MYT1L: variants seen among roughly 807,000 people sequenced by gnomAD.
MYT1L encodes the protein myelin transcription factor 1 like, also known as myelin transcription factor 1-like protein.
MYT1L carries 12 observed loss-of-function variants against 126.7 expected under a neutral mutation model. The observed-to-expected ratio is 0.09, with a 90% CI of 0.06 to 0.15. The LOEUF (loss-of-function observed/expected upper bound fraction) is 0.15, where lower values mean the gene tolerates loss of function less well. Ranked by LOEUF, MYT1L falls within the 10% of genes least tolerant of loss-of-function variation. The pLI is 1.00. For missense variants in MYT1L, 979 were observed against 1,585.2 expected, an observed-to-expected ratio of 0.62 and a Z score of 6.49; for synonymous variants, 541 against 604.2, an observed-to-expected ratio of 0.90 and a Z score of 1.53.
At position 1,901,331 on chromosome 2, in the gene MYT1L, C is replaced by T. The variant is rs141544958; in HGVS notation, c.2032+1749G>A. ...AAGAATGGATCAAATCCCGGTAGAA[C>T]GTCAATGAATTGGAAATCATATAAG... On this transcript the variant is annotated intron_variant, in intron 14 of 24. Transcript: ENST00000647738. Among the ~76,000 whole-genome samples, 341 of 152,234 alleles carry T rather than the reference C, an allele frequency of 2.2e-3. 2 individuals carry two copies. Among genetic ancestry groups the T allele is most frequent in the South Asian group, 9.1e-3 (44 of 4,818 alleles).
At position 1,943,426 on chromosome 2, in the gene MYT1L, A is replaced by C; in HGVS notation, c.153-92T>G. Reference sequence around the variant, plus strand: ...AATCAGACCAATGGGGGCCTTGATCAAGGTACTTAAAGGCTTATCATGAAT... The same window carrying C: ...AATCAGACCAATGGGGGCCTTGATCCAGGTACTTAAAGGCTTATCATGAAT... On this transcript the variant is annotated intron_variant, in intron 8 of 24. Transcript: ENST00000647738. This position sits in a 1 kb window ranked among gnomAD's most constrained non-coding sequence, Gnocchi z 4.4. 1 of 1,343,430 alleles carries C rather than the reference A, an allele frequency of 7.4e-7. No individual in the cohort carries two copies. The highest frequency in any genetic ancestry group is 9.9e-7 in the Non-Finnish European group (1 of 1,012,876). The allele number at this position is 1,343,430 out of a possible 1,614,324, so 83.2% of individuals were successfully genotyped here.
intron 3 of MYT1L, among the ~76,000 whole-genome samples, chr2:2,156,187 C>A (rs1423341997): frequency 6.6e-6 from 1 of 152,190 alleles, no homozygotes; most frequent in Non-Finnish European, 1.5e-5. Flanking sequence ...AATATCCCGG[C>A]TGGGAAGCTG....
chr2:2,089,676 T>A (rs1012177473), intron 3 of MYT1L, among the ~76,000 whole-genome samples: 1 of 152,046 alleles, frequency 6.6e-6, no homozygotes, highest in African/African-American at 2.4e-5. Flanking sequence ...TAGCACAGAG[T>A]AGGAGGAGGA....
intron 2 of MYT1L, among the ~76,000 whole-genome samples, chr2:2,182,902 G>A (rs2091693143): frequency 6.6e-6 from 1 of 152,220 alleles, no homozygotes; most frequent in South Asian, 2.1e-4. Flanking sequence ...GGGAGAGAAG[G>A]AGGGAGGTCA....
chr2:2,262,932 A>ATATATATATATATATATATAT lies in MYT1L; in HGVS notation c.-421+21471_-421+21472insATATATATATATATATATATA, dbSNP rs1553610292. Among the ~76,000 whole-genome samples, 11 of 41,206 alleles carry ATATATATATATATATATATAT rather than the reference A, an allele frequency of 2.7e-4. 3 individuals are homozygous for ATATATATATATATATATATAT. The highest frequency in any genetic ancestry group is 1.1e-3 in the African/African-American group (10 of 9,418). 27.0% of individuals were successfully genotyped at this position (41,206 alleles called of 152,430 possible). ...GAGGCACAAATATATATATATATATAACCTGTGATATATATATATATATCA... is the reference window on the plus strand; with the variant it reads ...GAGGCACAAATATATATATATATATATATATATATATATATATATATACCTGTGATATATATATATATATCA... On this transcript the variant is annotated intron_variant, in intron 2 of 24. Coordinates refer to ENST00000647738, the MANE Select transcript of MYT1L (RefSeq NM_001303052.2).
intron 2 of MYT1L, among the ~76,000 whole-genome samples, chr2:2,280,883 T>C (rs896997983): frequency 7.2e-5 from 11 of 152,194 alleles, no homozygotes; most frequent in African/African-American, 2.7e-4. Context: ...ATTTAACTGA[T>C]GAAGTGACTG....
intron 1 of MYT1L, among the ~76,000 whole-genome samples, chr2:2,297,831 G>A (rs1222278325): frequency 1.3e-5 from 2 of 152,152 alleles, no homozygotes; most frequent in Non-Finnish European, 2.9e-5. Context: ...CCAAATTTTG[G>A]TAAAGCAAAA....
chr2:1,861,448 C>T (rs11683041), intron 18 of MYT1L, among the ~76,000 whole-genome samples: 8,735 of 151,888 alleles, frequency 0.058, 316 homozygotes, highest in Non-Finnish European at 0.072. Flanking sequence ...GATCCTCATC[C>T]TTTACATTCG....
At chr2:1,909,140 G>C (rs150924618) in intron 13 of MYT1L, among the ~76,000 whole-genome samples, 130 of 152,168 alleles carry the variant, frequency 8.5e-4, no homozygotes, top group African/African-American at 3.1e-3. Flanking sequence ...ATTTTTTTGA[G>C]ACAGGTTCTT....
chr2:1,812,877 A>T, intron 21 of MYT1L, among the ~76,000 whole-genome samples: 1 of 124,874 alleles, frequency 8.0e-6, no homozygotes, highest in African/African-American at 3.1e-5. Context: ...CTCCGTCTCA[A>T]AAAAAAAAAA....
intron 2 of MYT1L, among the ~76,000 whole-genome samples, chr2:2,223,912 C>A (rs1226823322): frequency 1.3e-5 from 2 of 152,192 alleles, no homozygotes; most frequent in Non-Finnish European, 2.9e-5. Flanking sequence ...CAAGCCTCCT[C>A]CAGGTGGGTC....
chr2:2,264,042 G>T (rs1261833980), intron 2 of MYT1L, among the ~76,000 whole-genome samples: 2 of 152,144 alleles, frequency 1.3e-5, no homozygotes, highest in Non-Finnish European at 2.9e-5. Context: ...TATAGAAAAA[G>T]AAATTGGGGC....
At chr2:2,072,778 C>T (rs1394439869) in intron 3 of MYT1L, among the ~76,000 whole-genome samples, 2 of 152,170 alleles carry the variant, frequency 1.3e-5, no homozygotes, top group African/African-American at 2.4e-5. Context: ...AGTTCCTACT[C>T]GTCCTTCTCT....
At chr2:2,304,564 C>T (rs1477015572) in intron 1 of MYT1L, among the ~76,000 whole-genome samples, 3 of 152,128 alleles carry the variant, frequency 2.0e-5, no homozygotes, top group Non-Finnish European at 2.9e-5. Context: ...TCTTTTAATG[C>T]TTTTTAGCTT....
chr2:2,240,855 G>T (rs1295288820), intron 2 of MYT1L, among the ~76,000 whole-genome samples: 1 of 152,172 alleles, frequency 6.6e-6, no homozygotes, highest in Non-Finnish European at 1.5e-5. Context: ...TGGAAAAAGG[G>T]TTCCAATTTT....
At chr2:2,050,513 G>A (rs889907016) in intron 4 of MYT1L, among the ~76,000 whole-genome samples, 3 of 152,188 alleles carry the variant, frequency 2.0e-5, no homozygotes, top group South Asian at 2.1e-4. Context: ...CACCAGCTGC[G>A]GAGGCGCCAC....
chr2:2,037,410 T>C (rs1461204334), intron 4 of MYT1L, among the ~76,000 whole-genome samples: 6 of 152,116 alleles, frequency 3.9e-5, no homozygotes, highest in Non-Finnish European at 8.8e-5. Context: ...GGTGGTTCTC[T>C]TGTCCAGGAA....
At chr2:1,830,497 C>T (rs764206419) in intron 21 of MYT1L, among the ~76,000 whole-genome samples, 32 of 151,572 alleles carry the variant, frequency 2.1e-4, no homozygotes, top group South Asian at 4.2e-4. Context: ...CTCGGCACCC[C>T]GAAGGGCTCA....
At chr2:1,934,013 C>G (rs867560379) in intron 9 of MYT1L, among the ~76,000 whole-genome samples, 20 of 124,242 alleles carry the variant, frequency 1.6e-4, no homozygotes, top group South Asian at 5.1e-4. Flanking sequence ...CTTGCTCTGT[C>G]GCCCAGGCTG....
Sources: allele counts gnomAD v4.1 joint callset (sites outside exome capture counted in the v4.1 genomes callset), GRCh38; gene constraint gnomAD v4.1.1; non-coding constraint Gnocchi (gnomAD v3.1); transcripts MANE v1.5; gene names NCBI Gene and HGNC (gene_info 2026-07-23, HGNC 2026-07-21).